The following MEIKIN variants were observed in gnomAD, a reference collection of about 807,000 sequenced individuals.
The protein encoded by MEIKIN is meiosis-specific kinetochore protein.
At chr5:131,807,971 A>C (rs1463529336) in intron 12 of MEIKIN, among the ~76,000 whole-genome samples, 1 of 152,220 alleles carries the variant, frequency 6.6e-6, no homozygotes, top group East Asian at 1.9e-4. Context: ...TATGATGTGC[A>C]GCTAAGCTGA....
intron 9 of MEIKIN, among the ~76,000 whole-genome samples, chr5:131,870,531 A>T (rs933830042): frequency 6.6e-6 from 1 of 152,138 alleles, no homozygotes. Context: ...AATACAGTAC[A>T]TCTGTTCCCC....
intron 11 of MEIKIN, among the ~76,000 whole-genome samples, chr5:131,830,169 C>A (rs1045783895): frequency 6.6e-6 from 1 of 152,080 alleles, no homozygotes; most frequent in Non-Finnish European, 1.5e-5. Flanking sequence ...GTGAGCAGAT[C>A]GCTTGATCGC....
At chr5:131,933,782 A>G in intron 4 of MEIKIN, 141 bp from the exon 5 acceptor site, 1 of 382,114 alleles carries the variant, frequency 2.6e-6, no homozygotes, top group Admixed American at 4.5e-5. Context: ...ATACAACTAA[A>G]AAGGCATAAT....
At chr5:131,845,584 C>G (rs2149613045) in intron 11 of MEIKIN, among the ~76,000 whole-genome samples, 1 of 137,510 alleles carries the variant, frequency 7.3e-6, no homozygotes, top group East Asian at 2.0e-4. Flanking sequence ...ATTAAAATAT[C>G]AACAAAAACA....
chr5:131,833,252 TA>T (rs775616572), intron 11 of MEIKIN, among the ~76,000 whole-genome samples: 1 of 152,158 alleles, frequency 6.6e-6, no homozygotes, highest in Admixed American at 6.5e-5. Context: ...ATCTCTAGGG[TA>T]GGGGCAAAAT....
chr5:131,885,637 A>C (rs868247126), intron 8 of MEIKIN, among the ~76,000 whole-genome samples: 3 of 152,206 alleles, frequency 2.0e-5, no homozygotes, highest in Admixed American at 6.5e-5. Context: ...ATACCTGGAA[A>C]GTCTTCCTAA....
At chr5:131,918,865 T>C (rs1442684288) in intron 6 of MEIKIN, among the ~76,000 whole-genome samples, 1 of 152,176 alleles carries the variant, frequency 6.6e-6, no homozygotes, top group Non-Finnish European at 1.5e-5. Flanking sequence ...ACCTTGCAAC[T>C]ATGGGGAACA....
At chr5:131,829,142 T>C (rs1258496421) in intron 11 of MEIKIN, among the ~76,000 whole-genome samples, 2 of 152,176 alleles carry the variant, frequency 1.3e-5, no homozygotes, top group Non-Finnish European at 2.9e-5. Flanking sequence ...GAAATCAACA[T>C]GGCTTCTCAA....
At chr5:131,914,058 G>A (rs1751371317) in intron 7 of MEIKIN, among the ~76,000 whole-genome samples, 1 of 152,090 alleles carries the variant, frequency 6.6e-6, no homozygotes, top group Non-Finnish European at 1.5e-5. Context: ...GGAATGGTAC[G>A]ATTGGCTTTA....
intron 9 of MEIKIN, among the ~76,000 whole-genome samples, chr5:131,866,978 T>TA: frequency 6.6e-6 from 1 of 152,148 alleles, no homozygotes; most frequent in East Asian, 1.9e-4. Flanking sequence ...TATCTCATCT[T>TA]AAAAGAAAAA....
At chr5:131,894,499 A>T (rs1561747742) in intron 8 of MEIKIN, among the ~76,000 whole-genome samples, 1 of 152,120 alleles carries the variant, frequency 6.6e-6, no homozygotes. Context: ...CAGTATGGCC[A>T]TTTTCATGAT....
chr5:131,917,747 G>T (rs1292519497), intron 6 of MEIKIN, among the ~76,000 whole-genome samples: 1 of 152,086 alleles, frequency 6.6e-6, no homozygotes, highest in African/African-American at 2.4e-5. Context: ...GTTGTCTAAA[G>T]AAATTAAAAC....
At chr5:131,905,941 G>A (rs781020344) in intron 8 of MEIKIN, among the ~76,000 whole-genome samples, 10 of 152,060 alleles carry the variant, frequency 6.6e-5, no homozygotes, top group Non-Finnish European at 1.5e-4. Context: ...AATAACCTAG[G>A]AAATACCACT....
chr5:131,849,659 G>C (rs1322819641), intron 11 of MEIKIN, among the ~76,000 whole-genome samples: 1 of 149,918 alleles, frequency 6.7e-6, no homozygotes, highest in Admixed American at 6.6e-5. Flanking sequence ...CCCAGTCTCA[G>C]GTATTTCTTT....
intron 8 of MEIKIN, among the ~76,000 whole-genome samples, chr5:131,911,090 T>C (rs1407854841): frequency 6.6e-6 from 1 of 152,146 alleles, no homozygotes; most frequent in Non-Finnish European, 1.5e-5. Flanking sequence ...CCAAGGATTT[T>C]GTGCTTTTAC....
chr5:131,889,962 G>A (rs1323028491), intron 8 of MEIKIN, among the ~76,000 whole-genome samples: 1 of 152,284 alleles, frequency 6.6e-6, no homozygotes, highest in South Asian at 2.1e-4. Flanking sequence ...TGCATCTATT[G>A]AGATCATCAT....
chr5:131,832,941 G>A (rs1346487848), intron 11 of MEIKIN, among the ~76,000 whole-genome samples: 1 of 152,196 alleles, frequency 6.6e-6, no homozygotes, highest in African/African-American at 2.4e-5. Flanking sequence ...GTGATGGGAG[G>A]GGCTGCTTTG....
intron 11 of MEIKIN, among the ~76,000 whole-genome samples, chr5:131,819,336 TC>T (rs1173620018): frequency 6.6e-6 from 1 of 150,900 alleles, no homozygotes; most frequent in Non-Finnish European, 1.5e-5. Flanking sequence ...GCACGGTGGC[TC>T]ACGCCTGTAA....
At chr5:131,917,127 C>G (rs1751425702) in intron 6 of MEIKIN, among the ~76,000 whole-genome samples, 1 of 152,144 alleles carries the variant, frequency 6.6e-6, no homozygotes, top group Admixed American at 6.5e-5. Flanking sequence ...ATACAGGAAT[C>G]TCTCCCTTGT....
Sources: allele counts gnomAD v4.1 joint callset (sites outside exome capture counted in the v4.1 genomes callset), GRCh38; gene constraint gnomAD v4.1.1; transcripts MANE v1.5; gene names NCBI Gene and HGNC (gene_info 2026-07-23, HGNC 2026-07-21).